The following MZF1 variants were observed in gnomAD, a reference collection of about 807,000 sequenced individuals.
MZF1 encodes the protein zinc finger and SCAN domain-containing protein 6.
Under a neutral mutation model 28.6 loss-of-function variants are expected in MZF1, and 24 were observed. The ratio of observed to expected loss-of-function variants is 0.84; its 90% CI spans 0.61 to 1.18. The LOEUF is 1.18. Ranked by LOEUF, MZF1 falls within the 50% of genes most tolerant of loss-of-function variation. MZF1 has a pLI of 0.00. For missense variants in MZF1, 1,166 were observed against 1,026.4 expected, an observed-to-expected ratio of 1.14 and a Z score of -1.86; for synonymous variants, 516 against 432.5, an observed-to-expected ratio of 1.19 and a Z score of -2.40.
intron 5 of MZF1, chr19:58,568,185 C>T (rs1052097355): frequency 3.3e-5 from 5 of 152,082 alleles, no homozygotes; most frequent in African/African-American, 9.7e-5. Context: ...TTCAAGGTTA[C>T]AGTAAGCTAT....
At chr19:58,569,239 G>A in intron 5 of MZF1, 38 bp downstream of exon 5, 2 of 1,544,302 alleles carry the variant, frequency 1.3e-6, no homozygotes, top group Admixed American at 2.0e-5. Flanking sequence ...TGCTGTCCAT[G>A]CGGAAGGCCT....
At chr19:58,572,865 C>CA in intron 1 of MZF1, 190 bp downstream of exon 1, 1 of 312,740 alleles carries the variant, frequency 3.2e-6, no homozygotes, top group Non-Finnish European at 6.5e-6. Flanking sequence ...GCGGGGCTCC[C>CA]AAAGCCTGTC....
chr19:58,562,764 C>T lies in MZF1; in HGVS notation c.1513G>A (p.Ala505Thr). The T allele has an allele frequency of 4.6e-6, 7 of 1,535,458 alleles. No individual in the cohort carries two copies. The highest frequency in any genetic ancestry group is 6.1e-6 in the Non-Finnish European group (7 of 1,146,922). ...AAGGACTTGTCGCCCGTGTGTACCG[C>T]CTGGTGCTCCAGCAGCACGGCGCGC... ...ARRAVLLEHQ[A>T]VHTGDKSFGC... Residue 505 changes from alanine to threonine, a missense_variant, in exon 6 of 6, where the codon GCG becomes ACG. Transcript: ENST00000215057.
chr19:58,565,152 G>T lies in MZF1; in HGVS notation c.773-1648C>A, dbSNP rs563460011. ...CTTGTTGCCCAGGTTGGAGTGCAAT[G>T]GCGTGTTCTCTGCTCACTGCAAACC... On this transcript the variant is annotated intron_variant, in intron 5 of 5. Coordinates refer to ENST00000215057, the MANE Select transcript of MZF1 (RefSeq NM_198055.2). Among the ~76,000 whole-genome samples, 3 of 149,822 alleles carry T rather than the reference G, an allele frequency of 2.0e-5. No homozygotes were observed. The South Asian group carries it at 6.3e-4, about 32-fold the overall frequency.
At chr19:58,567,773 T>G (rs1405971965) in intron 5 of MZF1, among the ~76,000 whole-genome samples, 1 of 152,182 alleles carries the variant, frequency 6.6e-6, no homozygotes, top group African/African-American at 2.4e-5. Flanking sequence ...GGTGCCCCTC[T>G]CTTGCATATA....
chr19:58,563,397 A>G lies in MZF1; in HGVS notation c.880T>C (p.Ser294Pro). Residue 294 changes from serine (S) to proline (P), a missense_variant, in exon 6 of 6, where the codon TCA becomes CCA. Transcript: ENST00000215057. ...GCAAAGCCACCTTCGCGGGAGGGTG[A>G]TTGGATCTGGCCAGAAAGGCCAGCC... is the stretch of plus-strand genomic sequence containing the variant. ...GMAGLSGQIQ[S>P]PSREGGFAHA... 6.3e-7 allele frequency: 1 copy of G among 1,599,474 alleles called. No homozygotes were observed. The highest frequency in any genetic ancestry group is 8.5e-7 in the Non-Finnish European group (1 of 1,173,140).
rs148499782 is a variant in MZF1, at chr19:58,562,313, C to T, written c.1964G>A (p.Cys655Tyr). Residue 655 changes from cysteine to tyrosine, a missense_variant, in exon 6 of 6, where the codon TGC (cysteine) becomes TAC (tyrosine). Transcript: ENST00000215057. ...CCGAAAGCTCTGGCCGCACTCGGGGCAGGCGAAGGGCCGTTCGCCCGTGTG... is the reference window on the plus strand; with the variant it reads ...CCGAAAGCTCTGGCCGCACTCGGGGTAGGCGAAGGGCCGTTCGCCCGTGTG... ...RIHTGERPFA[C>Y]PECGQSFRQH... The T allele has an allele frequency of 2.5e-5, 41 of 1,610,040 alleles. No individual in the cohort carries two copies. The highest frequency in any genetic ancestry group is 3.2e-5 in the Non-Finnish European group (38 of 1,178,940).
At position 58,563,416 on chromosome 19, in the gene MZF1, G is replaced by A. The variant is rs2053977368; in HGVS notation, c.861C>T (p.Gly287=). The A allele has an allele frequency of 6.3e-7, 1 of 1,592,480 alleles. No homozygotes were observed. The highest frequency in any genetic ancestry group is 8.6e-7 in the Non-Finnish European group (1 of 1,169,566). ...AGGGTGATTGGATCTGGCCAGAAAG[G>A]CCAGCCATGCCGAGGTCCCAGGGGA... is the stretch of plus-strand genomic sequence containing the variant. ...LHVPWDLGMA[G]LSGQIQSPSR... is the part of the protein sequence containing the mutation. The change falls in exon 6 of 6, where the codon GGC becomes GGT. Residue 287 remains glycine (G), a synonymous_variant. Transcript: ENST00000215057.
Position 58,562,607 on chromosome 19 carries a change from G to C in MZF1, c.1670C>G (p.Thr557Arg). 6.3e-7 allele frequency: 1 copy of C among 1,578,614 alleles called. No homozygotes were observed. The change falls in exon 6 of 6, where the codon ACG becomes AGG. Residue 557 changes from threonine to arginine, a missense_variant. Transcript: ENST00000215057. Reference protein sequence around the residue: ...GQSFRQRSNLTQHRRIHTGER... With the variant: ...GQSFRQRSNLRQHRRIHTGER... The stretch of plus-strand genomic sequence containing the variant: ...CCCGGTGTGGATGCGCCGGTGCTGC[G>C]TCAGGTTGGAGCGCTGCCGGAAGCT...
chr19:58,562,627 G>T lies in MZF1; in HGVS notation c.1650C>A (p.Phe550Leu). The T allele has an allele frequency of 6.4e-7, 1 of 1,563,890 alleles. No individual in the cohort carries two copies. The change falls in exon 6 of 6, where the codon TTC becomes TTA. Residue 550 changes from phenylalanine (F) to leucine (L), a missense_variant. Physicochemically the swap from Phe to Leu is conservative, Grantham distance 22. Coordinates refer to ENST00000215057, the MANE Select transcript of MZF1 (RefSeq NM_198055.2). ...PFACAECGQS[F>L]RQRSNLTQHR... ...GCTGCGTCAGGTTGGAGCGCTGCCG[G>T]AAGCTCTGGCCGCACTCGGCACAGG...
rs571677243 is a variant in MZF1, at chr19:58,571,611, C to T, written c.-40-182G>A. The T allele has an allele frequency of 5.2e-5, 31 of 593,488 alleles. 1 individual carries two copies. Among genetic ancestry groups the T allele is most frequent in the African/African-American group, 4.8e-4 (26 of 53,962 alleles). The allele number at this position is 593,488 out of a possible 1,614,324, so 36.8% of individuals were successfully genotyped here. A position where few individuals can be genotyped will look rare whatever the true frequency, so the allele number is the denominator to read the frequency against. On this transcript the variant is annotated intron_variant, in intron 1 of 5. Coordinates refer to ENST00000215057, the MANE Select transcript of MZF1 (RefSeq NM_198055.2). ...CAGCTGGAAGCCCTCCCTTAGCCAC[C>T]TGTATCCCTGGTCTTCTCTCCGCTT...
In MZF1 at chr19:58,570,475, G is replaced by C. The variant is rs764447323; in HGVS notation, c.449C>G (p.Ser150Cys). ...AGTTTCAGGTAGGGGCTGGAAACTG[G>C]AGGGCTCCATCTTCTCTGATAGGAC... ...QEVLSEKMEP[S>C]SFQPLPETEP... Residue 150 changes from serine (S) to cysteine (C), a missense_variant, in exon 3 of 6, where the codon TCC becomes TGC. By Grantham distance (112) the Ser-to-Cys change is moderately radical. Coordinates refer to ENST00000215057, the MANE Select transcript of MZF1 (RefSeq NM_198055.2). 2 of 1,613,876 alleles carry C rather than the reference G, an allele frequency of 1.2e-6. No homozygotes were observed. Among genetic ancestry groups the C allele is most frequent in the South Asian group, 2.2e-5 (2 of 91,086 alleles).
rs1327883861 is a variant in MZF1 at position 58,562,191 on chromosome 19, G to C, written c.2086C>G (p.Leu696Val). 6.2e-7 allele frequency: 1 copy of C among 1,606,794 alleles called. No homozygotes were observed. The highest frequency in any genetic ancestry group is 1.3e-5 in the African/African-American group (1 of 74,882). The stretch of plus-strand genomic sequence containing the variant: ...CGGTGGGTGCGCAGATGCTGCGTGA[G>C]CGTGGGCCGCTGGCGGAAGGCCTTG... The part of the protein sequence containing the change: ...CGKAFRQRPT[L>V]TQHLRTHRRE... Residue 696 changes from leucine to valine, a missense_variant, in exon 6 of 6, where the codon CTC becomes GTC. Transcript: ENST00000215057.
intron 5 of MZF1, among the ~76,000 whole-genome samples, chr19:58,565,754 G>A (rs1252267321): frequency 4.1e-5 from 6 of 144,752 alleles, no homozygotes; most frequent in Non-Finnish European, 9.1e-5. Flanking sequence ...GGATGGTCTC[G>A]ATCTCCTGAC....
At chr19:58,570,800 A>G (rs1239759749) in intron 2 of MZF1, 194 bp downstream of exon 2, 3 of 673,392 alleles carry the variant, frequency 4.5e-6, no homozygotes, top group Non-Finnish European at 7.5e-6. Context: ...ACTGCAGGTG[A>G]TGCAGGAATG....
At chr19:58,568,611 T>G (rs1280435983) in intron 5 of MZF1, 1 of 152,198 alleles carries the variant, frequency 6.6e-6, no homozygotes, top group Non-Finnish European at 1.5e-5. Flanking sequence ...GGCTAGACAA[T>G]GTGTTTCAGA....
rs987121941 is a variant in MZF1, at chr19:58,562,802, T to C, written c.1475A>G (p.Glu492Gly). The C allele has an allele frequency of 3.9e-6, 6 of 1,534,440 alleles. No homozygotes were observed. The South Asian group carries it at 5.9e-5, about 15-fold the overall frequency. The change falls in exon 6 of 6, where the codon GAG (glutamate) becomes GGG (glycine). Residue 492 changes from glutamate to glycine, a missense_variant. Transcript: ENST00000215057. ...CAGCACGGCGCGCCGCGCGAAGCTC[T>C]CGCGGCACTCGCTGCACGGAAAGGG... is the stretch of plus-strand genomic sequence containing the variant. ...PGPFPCSECR[E>G]SFARRAVLLE...
chr19:58,565,055 G>A (rs2054020300), intron 5 of MZF1, among the ~76,000 whole-genome samples: 1 of 150,850 alleles, frequency 6.6e-6, no homozygotes, highest in African/African-American at 2.4e-5. Flanking sequence ...TGAGTAGCTG[G>A]GATTATAGGC....
chr19:58,563,266 G>C lies in MZF1; in HGVS notation c.1011C>G (p.Ser337=), dbSNP rs544769321. ...GPALITTRWR[S]PRGRSRGRPS... ...GGCGGCCCCGGCTCCGGCCCCTGGG[G>C]GAGCGCCAGCGGGTGGTGATCAGAG... The change falls in exon 6 of 6, where the codon TCC becomes TCG. Residue 337 remains serine, a synonymous_variant. Transcript: ENST00000215057. The C allele has an allele frequency of 2.8e-4, 451 of 1,607,308 alleles. 2 individuals carry two copies. Among genetic ancestry groups the C allele is most frequent in the Non-Finnish European group, 1.4e-5 (17 of 1,177,374 alleles).
Sources: gnomAD v4.1 joint callset for allele counts (sites outside exome capture counted in the v4.1 genomes callset) on GRCh38, gnomAD v4.1.1 for gene constraint, MANE v1.5 for transcripts, NCBI Gene and HGNC (gene_info 2026-07-23, HGNC 2026-07-21) for gene names.